DOCK8: variants seen among roughly 807,000 people sequenced by gnomAD.
DOCK8 encodes the protein dedicator of cytokinesis protein 8.
Under a neutral mutation model 245.6 loss-of-function variants are expected in DOCK8, and 141 were observed. That is an observed-to-expected ratio of 0.57 (90% CI 0.50 to 0.66). The LOEUF (loss-of-function observed/expected upper bound fraction) is 0.66. DOCK8 is among the 30% of genes least tolerant of loss of function. The pLI is 0.00. For synonymous variants in DOCK8, 1,168 were observed against 970.2 expected (o/e 1.20, Z -3.79); for missense variants, 2,965 against 2,603.4 (o/e 1.14, Z -3.02).
chr9:374,401 C>G (rs1428042647), intron 18 of DOCK8, among the ~76,000 whole-genome samples: 1 of 138,778 alleles, frequency 7.2e-6, no homozygotes, highest in African/African-American at 2.7e-5. Context: ...TTGAAACAGT[C>G]TTTAGGCTGT....
intron 5 of DOCK8, 63 bp from the exon 6 acceptor site, chr9:311,891 T>G (rs2050129572): frequency 6.3e-7 from 1 of 1,592,180 alleles, no homozygotes; most frequent in East Asian, 2.2e-5. Flanking sequence ...ACATCCAAGA[T>G]TCTTCGGTTC....
chr9:357,892 AGTTTTCCTTCT>A (rs2052521418), intron 14 of DOCK8, among the ~76,000 whole-genome samples: 1 of 152,202 alleles, frequency 6.6e-6, no homozygotes. Flanking sequence ...ACACATCAGG[AGTTTTCCTTCT>A]GTTTTCCTTT....
At chr9:313,724 T>C (rs1351446244) in intron 6 of DOCK8, among the ~76,000 whole-genome samples, 1 of 152,216 alleles carries the variant, frequency 6.6e-6, no homozygotes, top group African/African-American at 2.4e-5. Context: ...GTTACATATT[T>C]CAAAACTGCT....
chr9:260,736 T>TA (rs1332952855), intron 1 of DOCK8, among the ~76,000 whole-genome samples: 1 of 151,992 alleles, frequency 6.6e-6, no homozygotes, highest in Non-Finnish European at 1.5e-5. Context: ...TATGCAGCTG[T>TA]AAAAAAAGAA....
chr9:218,842 C>A (rs1455020106), intron 1 of DOCK8, among the ~76,000 whole-genome samples: 1 of 152,176 alleles, frequency 6.6e-6, no homozygotes, highest in Non-Finnish European at 1.5e-5. Context: ...TTCTAGAATG[C>A]TTTCTATGTG....
chr9:264,922 C>T (rs2048002541), intron 1 of DOCK8, among the ~76,000 whole-genome samples: 1 of 152,038 alleles, frequency 6.6e-6, no homozygotes, highest in South Asian at 2.1e-4. Context: ...ATTTTTAAAC[C>T]TTGATTTTTA....
intron 2 of DOCK8, among the ~76,000 whole-genome samples, chr9:275,295 A>G (rs1463384175): frequency 2.0e-5 from 3 of 152,226 alleles, no homozygotes; most frequent in Admixed American, 6.5e-5. Context: ...GAAGGGCTTT[A>G]TGATCCATTT....
At chr9:407,115 A>G in intron 28 of DOCK8, 46 bp downstream of exon 28, 2 of 1,613,242 alleles carry the variant, frequency 1.2e-6, no homozygotes, top group Non-Finnish European at 1.7e-6. Context: ...AAAAAAACAG[A>G]TGTTCTTTAA....
At chr9:232,486 T>C (rs1013481476) in intron 1 of DOCK8, among the ~76,000 whole-genome samples, 12 of 152,226 alleles carry the variant, frequency 7.9e-5, no homozygotes, top group Non-Finnish European at 1.6e-4. Context: ...AGCTCCTCTT[T>C]GTACCTCTGG....
At chr9:273,761 C>T (rs1394074317) in intron 2 of DOCK8, among the ~76,000 whole-genome samples, 1 of 150,984 alleles carries the variant, frequency 6.6e-6, no homozygotes, top group Non-Finnish European at 1.5e-5. Flanking sequence ...CATCTCGGCT[C>T]ATCGCAACCT....
intron 28 of DOCK8, 35 bp downstream of exon 28, chr9:407,104 C>G: frequency 3.1e-6 from 5 of 1,613,222 alleles, no homozygotes; most frequent in Non-Finnish European, 4.2e-6. Flanking sequence ...AAGATGAAGC[C>G]AAAAAAACAG....
At chr9:461,527 A>ATTTTTTTTTTT (rs530827485) in intron 46 of DOCK8, among the ~76,000 whole-genome samples, 2 of 67,286 alleles carry the variant, frequency 3.0e-5, no homozygotes, top group African/African-American at 1.4e-4. Context: ...TAGCAACTGC[A>ATTTTTTTTTTT]TTTTTTTTTT....
At chr9:439,207 C>T (rs750869055) in intron 39 of DOCK8, 38 bp from the exon 40 acceptor site, 32 of 1,613,856 alleles carry the variant, frequency 2.0e-5, no homozygotes, top group Non-Finnish European at 2.6e-5. Context: ...CTAGTCTGGT[C>T]GCCCTGTTCT....
chr9:253,325 A>T (rs1404693464), intron 1 of DOCK8, among the ~76,000 whole-genome samples: 2 of 152,220 alleles, frequency 1.3e-5, no homozygotes, highest in Non-Finnish European at 2.9e-5. Context: ...GGGAATTACA[A>T]GCATAGCAAG....
At chr9:452,294 G>A (rs1165379559) in intron 46 of DOCK8, among the ~76,000 whole-genome samples, 177 bp downstream of exon 46, 2 of 152,162 alleles carry the variant, frequency 1.3e-5, no homozygotes, top group South Asian at 2.1e-4. Flanking sequence ...AGTTTAACCC[G>A]CCCTCCAGGT....
chr9:344,401 A>AG (rs1202689648), intron 14 of DOCK8, among the ~76,000 whole-genome samples: 1 of 152,126 alleles, frequency 6.6e-6, no homozygotes, highest in African/African-American at 2.4e-5. Context: ...TGTGTGCTTT[A>AG]GGGTGGTTTT....
At chr9:338,050 A>C (rs1264939279) in intron 12 of DOCK8, among the ~76,000 whole-genome samples, 2 of 152,066 alleles carry the variant, frequency 1.3e-5, no homozygotes, top group African/African-American at 4.8e-5. Flanking sequence ...GCTACTTGGG[A>C]GGCTGAGGCT....
intron 1 of DOCK8, chr9:220,766 G>A (rs1200701288): frequency 2.6e-6 from 1 of 386,734 alleles, no homozygotes; most frequent in Admixed American, 3.3e-5. Flanking sequence ...TGTCGCCCAG[G>A]CTGGAGTACA....
At chr9:377,552 T>TTAAGG (rs2053570720) in intron 20 of DOCK8, among the ~76,000 whole-genome samples, 1 of 152,238 alleles carries the variant, frequency 6.6e-6, no homozygotes, top group Admixed American at 6.5e-5. Context: ...ATGGAACATT[T>TTAAGG]TAAGGTAAGA....
Sources: allele counts gnomAD v4.1 joint callset (sites outside exome capture counted in the v4.1 genomes callset), GRCh38; gene constraint gnomAD v4.1.1; transcripts MANE v1.5; gene names NCBI Gene and HGNC (gene_info 2026-07-23, HGNC 2026-07-21).